ST6GALNAC3: variants seen among roughly 807,000 people sequenced by gnomAD.
ST6GALNAC3 encodes the protein alpha-N-acetylgalactosaminide alpha-2,6-sialyltransferase 3.
In ST6GALNAC3, 25 loss-of-function variants were observed where a neutral mutation model predicts 32.7. The observed-to-expected ratio is 0.76, with a 90% CI of 0.56 to 1.07. The LOEUF is 1.07. Among genes scored for constraint, ST6GALNAC3 ranks in the 50% least tolerant of loss-of-function variants. ST6GALNAC3 has a pLI of 0.00. For synonymous variants in ST6GALNAC3, 129 were observed against 133.1 expected (o/e 0.97, Z 0.21); for missense variants, 355 against 382.4 (o/e 0.93, Z 0.60).
At chr1:76,383,440 A>AT (rs1571040485) in intron 2 of ST6GALNAC3, among the ~76,000 whole-genome samples, 7 of 82,118 alleles carry the variant, frequency 8.5e-5, no homozygotes, top group Non-Finnish European at 1.7e-4. Context: ...CTGGCTAATT[A>AT]ATTTTTTTTT....
chr1:76,489,986 A>C (rs1660388837), intron 3 of ST6GALNAC3, among the ~76,000 whole-genome samples: 1 of 152,176 alleles, frequency 6.6e-6, no homozygotes, highest in Non-Finnish European at 1.5e-5. Context: ...TCTTCCAGAC[A>C]GACTTTCAGG....
In ST6GALNAC3 at chr1:76,187,674, G is replaced by C. The variant is rs116709808; in HGVS notation, c.18+112790G>C. Among the ~76,000 whole-genome samples, 660 of 152,192 alleles carry C rather than the reference G, an allele frequency of 4.3e-3. 6 individuals are homozygous for C. Among genetic ancestry groups the C allele is most frequent in the African/African-American group, 0.016 (644 of 41,502 alleles). On this transcript the variant is annotated intron_variant, in intron 1 of 4. Transcript: ENST00000328299. ...ATGTCAACATGCAGACATCTGTGTA[G>C]GCATCTGAGTTATGCTGATCGAAGA... is the stretch of plus-strand genomic sequence containing the variant.
At position 76,330,698 on chromosome 1, in the gene ST6GALNAC3, C is replaced by A. The variant is rs1052641855; in HGVS notation, c.213+16699C>A. On this transcript the variant is annotated intron_variant, in intron 2 of 4. Transcript: ENST00000328299. ...TGTAATAGATACTATTATTATTCCA[C>A]CATTTAGAAATGAATAATCTAAGGG... Among the ~76,000 whole-genome samples, 7 of 152,286 alleles carry A rather than the reference C, an allele frequency of 4.6e-5. No individual in the cohort carries two copies. The South Asian group carries it at 6.2e-4, about 14-fold the overall frequency.
intron 2 of ST6GALNAC3, among the ~76,000 whole-genome samples, chr1:76,341,674 TTTCTTTCC>T (rs1425536021): frequency 1.6e-4 from 21 of 132,262 alleles, no homozygotes; most frequent in African/African-American, 4.3e-4. Context: ...TCTTTCTTTC[TTTCTTTCC>T]TTCTTTCTTT....
chr1:76,389,202 G>T (rs1402812467), intron 2 of ST6GALNAC3, among the ~76,000 whole-genome samples: 1 of 151,976 alleles, frequency 6.6e-6, no homozygotes, highest in Admixed American at 6.6e-5. Flanking sequence ...TGATGAAAAG[G>T]TATCTGCAAA....
At chr1:76,288,990 G>A (rs560378323) in intron 1 of ST6GALNAC3, among the ~76,000 whole-genome samples, 7 of 152,298 alleles carry the variant, frequency 4.6e-5, no homozygotes, top group African/African-American at 9.6e-5. Flanking sequence ...TCCAAAGTAC[G>A]TCTCATGCCA....
intron 3 of ST6GALNAC3, among the ~76,000 whole-genome samples, chr1:76,608,597 A>ATGTGTGTGTG (rs60960904): frequency 5.3e-4 from 72 of 135,252 alleles, no homozygotes; most frequent in South Asian, 1.1e-3. Context: ...TGAGCTGGAA[A>ATGTGTGTGTG]TGTGTGTGTG....
chr1:76,599,484 T>A (rs1192801883), intron 3 of ST6GALNAC3, among the ~76,000 whole-genome samples: 1 of 151,708 alleles, frequency 6.6e-6, no homozygotes, highest in Non-Finnish European at 1.5e-5. Context: ...GTGTGTGATG[T>A]TCCCCGTGTC....
Position 76,615,102 on chromosome 1 carries a change from A to G in ST6GALNAC3, c.624-12350A>G, listed in dbSNP as rs189202722. Among the ~76,000 whole-genome samples the G allele has an allele frequency of 5.9e-4, 90 of 152,256 alleles. 1 individual carries two copies. Among genetic ancestry groups the G allele is most frequent in the African/African-American group, 2.0e-3 (83 of 41,542 alleles). On this transcript the variant is annotated intron_variant, in intron 3 of 4. Transcript: ENST00000328299. ...AGGGGGCTAGAATATTCAGCTCCAGAAGCACAAGGATTGGTGCTTCAATGA... is the reference window on the plus strand; with the variant it reads ...AGGGGGCTAGAATATTCAGCTCCAGGAGCACAAGGATTGGTGCTTCAATGA...
chr1:76,525,803 A>G lies in ST6GALNAC3; in HGVS notation c.624-101649A>G, dbSNP rs1420477365. The stretch of plus-strand genomic sequence containing the variant: ...TGTGTGTGTGTGTGTATATATATAT[A>G]TATATATATATATATATATATATAT... On this transcript the variant is annotated intron_variant, in intron 3 of 4. Coordinates refer to ENST00000328299, the MANE Select transcript of ST6GALNAC3 (RefSeq NM_152996.4). Among the ~76,000 whole-genome samples the G allele has an allele frequency of 5.4e-3, 380 of 70,884 alleles. 2 individuals carry two copies. The highest frequency in any genetic ancestry group is 0.024 in the African/African-American group (306 of 12,710). The allele number at this position is 70,884 out of a possible 152,430, so 46.5% of individuals were successfully genotyped here. A position where few individuals can be genotyped will look rare whatever the true frequency, so the allele number is the denominator to read the frequency against.
intron 3 of ST6GALNAC3, among the ~76,000 whole-genome samples, chr1:76,426,506 G>GAAT (rs2101412930): frequency 6.6e-6 from 1 of 151,022 alleles, no homozygotes; most frequent in Admixed American, 6.6e-5. Flanking sequence ...CCTTCTTGTG[G>GAAT]AATACTGCCT....
chr1:76,450,415 A>G (rs1246386702), intron 3 of ST6GALNAC3, among the ~76,000 whole-genome samples: 3 of 151,968 alleles, frequency 2.0e-5, no homozygotes, highest in South Asian at 2.1e-4. Context: ...CCACTTTTTG[A>G]TGAGATTGCT....
chr1:76,625,896 A>G lies in ST6GALNAC3; in HGVS notation c.624-1556A>G, dbSNP rs189800675. ...GATGCGAAGGAATGGCTACTTAGGT[A>G]GTAACATTTCAGACTCAGTGACAAG... is the stretch of plus-strand genomic sequence containing the variant. On this transcript the variant is annotated intron_variant, in intron 3 of 4. Coordinates refer to ENST00000328299, the MANE Select transcript of ST6GALNAC3 (RefSeq NM_152996.4). Among the ~76,000 whole-genome samples, 7 of 151,992 alleles carry G rather than the reference A, an allele frequency of 4.6e-5. No homozygotes were observed. The East Asian group carries it at 1.4e-3, about 29-fold the overall frequency.
intron 1 of ST6GALNAC3, among the ~76,000 whole-genome samples, chr1:76,260,321 A>ATTC (rs1200930899): frequency 6.6e-6 from 1 of 152,228 alleles, no homozygotes; most frequent in Non-Finnish European, 1.5e-5. Context: ...CCTTAAGCGT[A>ATTC]TTCTTTGTGG....
intron 3 of ST6GALNAC3, among the ~76,000 whole-genome samples, chr1:76,533,490 A>G (rs895658148): frequency 1.3e-5 from 2 of 151,752 alleles, no homozygotes; most frequent in African/African-American, 4.8e-5. Flanking sequence ...CTGCTCAGGA[A>G]CCCCGCTTCA....
intron 1 of ST6GALNAC3, among the ~76,000 whole-genome samples, chr1:76,258,238 T>A (rs1658027556): frequency 6.6e-6 from 1 of 152,166 alleles, no homozygotes; most frequent in African/African-American, 2.4e-5. Flanking sequence ...AGATGAGGTG[T>A]TAAGTTTAAT....
intron 1 of ST6GALNAC3, among the ~76,000 whole-genome samples, chr1:76,202,172 C>T (rs17098338): frequency 0.084 from 12,707 of 151,666 alleles, 583 homozygotes; most frequent in African/African-American, 0.12. Context: ...AGGTTTAACT[C>T]AAAGGCAGTG....
chr1:76,523,232 C>A (rs1285828049), intron 3 of ST6GALNAC3, among the ~76,000 whole-genome samples: 1 of 151,822 alleles, frequency 6.6e-6, no homozygotes, highest in African/African-American at 2.4e-5. Context: ...TAAAATTCTC[C>A]AACATTTTAT....
At chr1:76,251,861 G>A (rs1657636573) in intron 1 of ST6GALNAC3, among the ~76,000 whole-genome samples, 1 of 152,040 alleles carries the variant, frequency 6.6e-6, no homozygotes, top group Admixed American at 6.6e-5. Flanking sequence ...TCCTGCCTGT[G>A]CACCTTGCTT....
Sources: allele counts gnomAD v4.1 joint callset (sites outside exome capture counted in the v4.1 genomes callset), GRCh38; gene constraint gnomAD v4.1.1; transcripts MANE v1.5; gene names NCBI Gene and HGNC (gene_info 2026-07-23, HGNC 2026-07-21).